GATA4: variants seen among roughly 807,000 people sequenced by gnomAD.
GATA4 encodes transcription factor GATA-4.
Under a neutral mutation model 37.9 loss-of-function variants are expected in GATA4, and 7 were observed. The ratio of observed to expected loss-of-function variants is 0.18; its 90% CI spans 0.11 to 0.35. The LOEUF is 0.35. Among genes scored for constraint, GATA4 ranks in the 10% least tolerant of loss-of-function variants. GATA4 has a pLI of 1.00. For synonymous variants in GATA4, 372 were observed against 292.6 expected (o/e 1.27, Z -2.77); for missense variants, 647 against 653.0 (o/e 0.99, Z 0.10).
intron 1 of GATA4, among the ~76,000 whole-genome samples, chr8:11,698,582 C>G (rs1053544596): frequency 3.9e-5 from 6 of 152,116 alleles, no homozygotes; most frequent in Admixed American, 2.6e-4. Context: ...TTCCTCTATC[C>G]GGCTGACTTG....
intron 1 of GATA4, among the ~76,000 whole-genome samples, chr8:11,693,280 C>T (rs573357857): frequency 8.9e-4 from 136 of 152,130 alleles, no homozygotes; most frequent in Non-Finnish European, 1.4e-3. Context: ...AGCCTGGGCA[C>T]CATGGCGAAA....
chr8:11,730,793 G>A (rs1273319742), intron 2 of GATA4, among the ~76,000 whole-genome samples: 4 of 152,250 alleles, frequency 2.6e-5, no homozygotes, highest in Non-Finnish European at 4.4e-5. Context: ...GGCAGGAGAA[G>A]AAACCCAGGT....
chr8:11,727,071 C>T (rs931354916), intron 2 of GATA4, among the ~76,000 whole-genome samples: 7 of 152,180 alleles, frequency 4.6e-5, no homozygotes, highest in African/African-American at 1.7e-4. Context: ...TGCCTCTCAG[C>T]CTCATCATAA....
At chr8:11,710,474 G>A (rs1176967143) in intron 2 of GATA4, among the ~76,000 whole-genome samples, 17 of 150,134 alleles carry the variant, frequency 1.1e-4, no homozygotes, top group Non-Finnish European at 1.8e-4. Flanking sequence ...TGGGCCAGGA[G>A]ATCGAGACCA....
intron 4 of GATA4, 115 bp from the exon 5 acceptor site, chr8:11,754,931 G>C (rs1383916921): frequency 1.3e-6 from 1 of 795,454 alleles, no homozygotes; most frequent in Non-Finnish European, 2.2e-6. Flanking sequence ...TGGGCCCCAG[G>C]CTTTGTGGAG....
Position 11,708,502 on chromosome 8 carries a change from G to C in GATA4, c.190G>C (p.Gly64Arg). The C allele has an allele frequency of 3.4e-6, 5 of 1,480,596 alleles. No individual in the cohort carries two copies. Among genetic ancestry groups the C allele is most frequent in the Non-Finnish European group, 3.6e-6 (4 of 1,122,910 alleles). 91.7% of individuals were successfully genotyped at this position (1,480,596 alleles called of 1,614,324 possible). A position where few individuals can be genotyped will look rare whatever the true frequency, so the allele number is the denominator to read the frequency against. The change falls in exon 2 of 7, where the codon GGA becomes CGA. Residue 64 changes from glycine to arginine, a missense_variant. Gly to Arg is a moderately radical substitution (Grantham distance 125). Coordinates refer to ENST00000532059, the MANE Select transcript of GATA4 (RefSeq NM_001308093.3). The surrounding 1 kb of genome is among the most constrained non-coding windows in gnomAD (Gnocchi z 6.7). ...GGGCGGAGGCGCGGGCTCTGCGTCC[G>C]GAGGCGCCTCGGGCGGCAGCTCCGG... ...LQGGGAGSAS[G>R]GASGGSSGGA...
Position 11,737,293 on chromosome 8 carries a change from C to T in GATA4, c.617-11623C>T, listed in dbSNP as rs901059090. Among the ~76,000 whole-genome samples the T allele has an allele frequency of 4.6e-5, 7 of 152,156 alleles. No individual in the cohort carries two copies. The East Asian group carries it at 1.3e-3, about 29-fold the overall frequency. ...TCACATTATATCTCCATAAATCTCC[C>T]AGCTGGCTGCTGCTGCTGCCATTCC... On this transcript the variant is annotated intron_variant, in intron 2 of 6. Coordinates refer to ENST00000532059, the MANE Select transcript of GATA4 (RefSeq NM_001308093.3).
upstream of GATA4, among the ~76,000 whole-genome samples, chr8:11,701,098 C>G (rs954163569): frequency 6.6e-6 from 1 of 152,176 alleles, no homozygotes; most frequent in Admixed American, 6.5e-5. Context: ...TGGACCAGCT[C>G]AAGTCCCAAG....
chr8:11,748,922 T>C lies in GATA4; in HGVS notation c.623T>C (p.Met208Thr), dbSNP rs140892695. The change falls in exon 3 of 7, where the codon ATG becomes ACG. Residue 208 changes from methionine (M) to threonine (T), a missense_variant. Met to Thr is a moderately conservative substitution (Grantham distance 81, BLOSUM62 -1). Around this residue, in one of 5 missense-constraint regions of GATA4, gnomAD observed 379 missense variants for 334.5 expected, o/e 1.13. Transcript: ENST00000532059. The part of the protein sequence containing the change: ...PAARHPNLVD[M>T]FDDFSEGREC... Reference sequence around the variant, plus strand: ...TCTGTTCCCCCCAACTCAGTAGATATGTTTGACGACTTCTCAGAAGGCAGA... The same window carrying C: ...TCTGTTCCCCCCAACTCAGTAGATACGTTTGACGACTTCTCAGAAGGCAGA... 21 of 1,614,126 alleles carry C rather than the reference T, an allele frequency of 1.3e-5. No homozygotes were observed. In the African/African-American group the frequency reaches 1.3e-4, roughly 10 times the overall value.
chr8:11,681,046 C>T, intron 1 of GATA4: 1 of 938,222 alleles, frequency 1.1e-6, no homozygotes, highest in Non-Finnish European at 1.3e-6. Flanking sequence ...AGATCTAATG[C>T]CTTCCTTCTC....
chr8:11,705,943 G>C (rs1326502492), intron 1 of GATA4: 1 of 152,152 alleles, frequency 6.6e-6, no homozygotes, highest in Non-Finnish European at 1.5e-5. Context: ...ACATTATCTT[G>C]AAGAACTGCA....
chr8:11,748,001 G>T lies in GATA4; in HGVS notation c.617-915G>T, dbSNP rs560916607. On this transcript the variant is annotated intron_variant, in intron 2 of 6. Coordinates refer to ENST00000532059, the MANE Select transcript of GATA4 (RefSeq NM_001308093.3). ...CCAGTACTTTGGGAGGCTGAGGCGG[G>T]TGGACCATTTGAGGTCAGGAGTTTG... Among the ~76,000 whole-genome samples, 14 of 152,324 alleles carry T rather than the reference G, an allele frequency of 9.2e-5. No individual in the cohort carries two copies. In the South Asian group the frequency reaches 2.9e-3, roughly 32 times the overall value.
At chr8:11,735,141 T>G (rs1005955668) in intron 2 of GATA4, among the ~76,000 whole-genome samples, 1 of 152,214 alleles carries the variant, frequency 6.6e-6, no homozygotes, top group Non-Finnish European at 1.5e-5. Context: ...GAAGGAAATA[T>G]GGTAAAACAA....
intron 1 of GATA4, among the ~76,000 whole-genome samples, chr8:11,686,033 T>C (rs1324315739): frequency 6.6e-6 from 1 of 152,170 alleles, no homozygotes; most frequent in Non-Finnish European, 1.5e-5. Flanking sequence ...TCTTAATAAA[T>C]GTCAGGTTCC....
intron 2 of GATA4, among the ~76,000 whole-genome samples, chr8:11,722,997 C>G (rs1800743866): frequency 6.6e-6 from 1 of 151,990 alleles, no homozygotes; most frequent in African/African-American, 2.4e-5. Context: ...AATTAGTTCT[C>G]TAGCATCCTT....
intron 2 of GATA4, among the ~76,000 whole-genome samples, chr8:11,728,873 A>AGG (rs1368849164): frequency 6.6e-6 from 1 of 152,300 alleles, no homozygotes; most frequent in South Asian, 2.1e-4. Flanking sequence ...TCTCTTACAT[A>AGG]GGGGGGCACA....
At chr8:11,683,807 A>C (rs1799054624) in intron 1 of GATA4, among the ~76,000 whole-genome samples, 1 of 152,192 alleles carries the variant, frequency 6.6e-6, no homozygotes, top group Admixed American at 6.5e-5. Context: ...TCAGTGCAGG[A>C]ATCCCTCCCC....
chr8:11,713,122 A>C (rs534451436), intron 2 of GATA4, among the ~76,000 whole-genome samples: 1 of 152,160 alleles, frequency 6.6e-6, no homozygotes, highest in Admixed American at 6.5e-5. Context: ...GGTTATGTGA[A>C]TAGGGCAAAA....
chr8:11,682,840 CCTT>C (rs1272164648), intron 1 of GATA4, among the ~76,000 whole-genome samples: 2 of 152,156 alleles, frequency 1.3e-5, no homozygotes, highest in Non-Finnish European at 2.9e-5. Flanking sequence ...GTCCAATAGT[CCTT>C]CTCACTTCTC....
Sources: allele counts gnomAD v4.1 joint callset (sites outside exome capture counted in the v4.1 genomes callset), GRCh38; gene constraint gnomAD v4.1.1; regional missense constraint gnomAD v4.1.1; non-coding constraint Gnocchi (gnomAD v3.1); transcripts MANE v1.5; gene names NCBI Gene and HGNC (gene_info 2026-07-23, HGNC 2026-07-21).